The following SLC35F4 variants were observed in gnomAD, a reference collection of about 807,000 sequenced individuals.
The protein encoded by SLC35F4 is chromosome 14 open reading frame 36.
A neutral mutation model predicts 44.2 loss-of-function variants in SLC35F4; 24 were observed. The observed-to-expected ratio is 0.54, with a 90% CI of 0.39 to 0.76. SLC35F4 has a LOEUF of 0.76. SLC35F4 is among the 30% of genes least tolerant of loss of function. The probability of loss-of-function intolerance (pLI) is 0.00; values close to 1 mark genes in which losing one functional copy is unlikely to be tolerated. For synonymous variants in SLC35F4, 238 were observed against 223.6 expected (o/e 1.06, Z -0.57); for missense variants, 562 against 586.1 (o/e 0.96, Z 0.42).
chr14:57,595,538 C>A (rs1208938901), intron 1 of SLC35F4, among the ~76,000 whole-genome samples: 2 of 152,108 alleles, frequency 1.3e-5, no homozygotes, highest in African/African-American at 4.8e-5. Context: ...GGGAGGTCTA[C>A]ATATATTATC....
At chr14:57,821,810 C>T (rs1358185593) in intron 1 of SLC35F4, among the ~76,000 whole-genome samples, 1 of 152,148 alleles carries the variant, frequency 6.6e-6, no homozygotes, top group Non-Finnish European at 1.5e-5. Context: ...GAAGTTATCA[C>T]TAATAAATAT....
At chr14:57,900,974 T>C (rs185917564) in intron 1 of SLC35F4, among the ~76,000 whole-genome samples, 261 of 152,248 alleles carry the variant, frequency 1.7e-3, no homozygotes, top group Middle Eastern at 3.4e-3. Context: ...CACAATGACA[T>C]ACCATCTCAC....
At chr14:57,593,892 A>T in intron 2 of SLC35F4, 47 bp downstream of exon 2, 1 of 1,587,708 alleles carries the variant, frequency 6.3e-7, no homozygotes, top group Non-Finnish European at 8.6e-7. Flanking sequence ...TTCTATTTAG[A>T]AGCTTACTAG....
intron 1 of SLC35F4, among the ~76,000 whole-genome samples, chr14:57,751,912 TTCTCTCTCTC>T (rs3062974): frequency 4.0e-5 from 6 of 149,266 alleles, no homozygotes; most frequent in East Asian, 2.0e-4. Flanking sequence ...TAAAAAACAT[TTCTCTCTCTC>T]TCTCTCTCTC....
At chr14:57,691,756 C>T (rs190082091) in intron 1 of SLC35F4, among the ~76,000 whole-genome samples, 2 of 152,130 alleles carry the variant, frequency 1.3e-5, no homozygotes, top group African/African-American at 4.8e-5. Flanking sequence ...AAAAGAAGGC[C>T]CTTCTCTTAA....
At chr14:57,902,620 A>T (rs1889026324) in intron 1 of SLC35F4, among the ~76,000 whole-genome samples, 1 of 152,162 alleles carries the variant, frequency 6.6e-6, no homozygotes, top group Admixed American at 6.5e-5. Flanking sequence ...AACTTATCCT[A>T]TGGGAACGAT....
chr14:57,583,007 A>G (rs1303386399), intron 3 of SLC35F4, among the ~76,000 whole-genome samples: 1 of 152,270 alleles, frequency 6.6e-6, no homozygotes, highest in African/African-American at 2.4e-5. Context: ...TGTTGCACAC[A>G]CAGAAACTTG....
chr14:57,923,598 C>A (rs76814084), intron 1 of SLC35F4, among the ~76,000 whole-genome samples: 73 of 152,370 alleles, frequency 4.8e-4, no homozygotes, highest in African/African-American at 1.7e-3. Context: ...AACCACACTA[C>A]TTTCCCATTT....
At chr14:57,677,583 T>A (rs1338344605) in intron 1 of SLC35F4, among the ~76,000 whole-genome samples, 1 of 152,026 alleles carries the variant, frequency 6.6e-6, no homozygotes, top group Non-Finnish European at 1.5e-5. Flanking sequence ...AATGAAAGTC[T>A]ATAAGGATAA....
chr14:57,846,485 C>T (rs2140974285), intron 1 of SLC35F4, among the ~76,000 whole-genome samples: 1 of 152,288 alleles, frequency 6.6e-6, no homozygotes, highest in Non-Finnish European at 1.5e-5. Flanking sequence ...GATTCTAGCC[C>T]AAGTCACAGG....
chr14:57,563,980 T>C lies in SLC35F4; in HGVS notation c.*155A>G. On this transcript the variant is annotated 3_prime_UTR_variant, in exon 8 of 8. Transcript: ENST00000556826. ...ATGATTATTTACACCAATTCCTTGATAAGCATATAAATGTAAACTTTTATT... is the reference window on the plus strand; with the variant it reads ...ATGATTATTTACACCAATTCCTTGACAAGCATATAAATGTAAACTTTTATT... 2.7e-6 allele frequency: 2 copies of C among 745,204 alleles called. No individual in the cohort carries two copies. Among genetic ancestry groups the C allele is most frequent in the Non-Finnish European group, 4.2e-6 (2 of 481,882 alleles). The allele number at this position is 745,204 out of a possible 1,614,324, so 46.2% of individuals were successfully genotyped here.
intron 1 of SLC35F4, among the ~76,000 whole-genome samples, chr14:57,961,110 C>T (rs1319525070): frequency 6.6e-6 from 1 of 152,192 alleles, no homozygotes; most frequent in African/African-American, 2.4e-5. Context: ...TCCCATGCTG[C>T]GACGGAGAGA....
intron 1 of SLC35F4, among the ~76,000 whole-genome samples, chr14:57,601,529 T>C (rs1448724690): frequency 6.6e-6 from 1 of 152,172 alleles, no homozygotes; most frequent in Non-Finnish European, 1.5e-5. Context: ...GTACCCAATA[T>C]TTAGCTCCCA....
intron 1 of SLC35F4, among the ~76,000 whole-genome samples, chr14:57,749,056 T>C (rs188489758): frequency 6.6e-6 from 1 of 152,298 alleles, no homozygotes; most frequent in East Asian, 1.9e-4. Flanking sequence ...ACAGAGCTGG[T>C]AAGCAGCTGA....
chr14:57,633,331 C>T (rs1020237103), intron 1 of SLC35F4, among the ~76,000 whole-genome samples: 3 of 152,028 alleles, frequency 2.0e-5, no homozygotes, highest in Admixed American at 6.6e-5. Context: ...AGGTGCTATA[C>T]CATTTTGCAT....
intron 1 of SLC35F4, among the ~76,000 whole-genome samples, chr14:57,682,097 A>T (rs2074923853): frequency 6.6e-6 from 1 of 152,194 alleles, no homozygotes; most frequent in Non-Finnish European, 1.5e-5. Flanking sequence ...CGATTCCTCA[A>T]GGATCTAGAA....
intron 1 of SLC35F4, among the ~76,000 whole-genome samples, chr14:57,679,876 A>C (rs10148437): frequency 0.63 from 95,692 of 151,832 alleles, 30,517 homozygotes; most frequent in South Asian, 0.72. Context: ...ATTGAGGCAG[A>C]AATTAATAGC....
At chr14:57,943,694 T>C (rs1594641758) in intron 1 of SLC35F4, among the ~76,000 whole-genome samples, 2 of 152,322 alleles carry the variant, frequency 1.3e-5, no homozygotes, top group East Asian at 3.9e-4. Context: ...GGATCATGGA[T>C]GGGCCCAGCT....
chr14:57,949,348 T>C (rs973474098), intron 1 of SLC35F4, among the ~76,000 whole-genome samples: 15 of 152,290 alleles, frequency 9.8e-5, no homozygotes, highest in African/African-American at 3.6e-4. Flanking sequence ...GAATAGCTAA[T>C]CCTGCTCACT....
Sources: gnomAD v4.1 joint callset for allele counts (sites outside exome capture counted in the v4.1 genomes callset) on GRCh38, gnomAD v4.1.1 for gene constraint, MANE v1.5 for transcripts, NCBI Gene and HGNC (gene_info 2026-07-23, HGNC 2026-07-21) for gene names.